The following NXPH1 variants were observed in gnomAD, a reference collection of about 807,000 sequenced individuals.
NXPH1 encodes the protein neurexophilin-1.
In NXPH1, 5 loss-of-function variants were observed where a neutral mutation model predicts 23.7. That is an observed-to-expected ratio of 0.21 (90% confidence interval 0.11 to 0.44). The LOEUF (loss-of-function observed/expected upper bound fraction) is 0.44. Ranked by LOEUF, NXPH1 falls within the 20% of genes least tolerant of loss-of-function variation. The pLI, the probability that NXPH1 is intolerant of heterozygous loss-of-function variation, is 0.99. For missense variants in NXPH1, 324 were observed against 321.6 expected (o/e 1.01, Z -0.06); for synonymous variants, 144 against 122.2 (o/e 1.18, Z -1.18).
chr7:8,653,378 G>A (rs1820521083), intron 2 of NXPH1, among the ~76,000 whole-genome samples: 1 of 152,082 alleles, frequency 6.6e-6, no homozygotes, highest in Non-Finnish European at 1.5e-5. Context: ...GTCCTGTGTG[G>A]CATTGCTCCA....
At chr7:8,534,990 C>A (rs932294166) in intron 2 of NXPH1, among the ~76,000 whole-genome samples, 1 of 151,982 alleles carries the variant, frequency 6.6e-6, no homozygotes, top group Admixed American at 6.6e-5. Context: ...AACCCAGTAC[C>A]TAATTTGCTT....
chr7:8,699,369 A>T (rs1779584204), intron 2 of NXPH1, among the ~76,000 whole-genome samples: 1 of 152,062 alleles, frequency 6.6e-6, no homozygotes, highest in Non-Finnish European at 1.5e-5. Flanking sequence ...TTCAGTTTTT[A>T]TCTCTGATTT....
chr7:8,522,150 A>G (rs1201732071), intron 2 of NXPH1, among the ~76,000 whole-genome samples: 1 of 152,234 alleles, frequency 6.6e-6, no homozygotes, highest in Non-Finnish European at 1.5e-5. Context: ...AGGGTGGAGA[A>G]TATCACAGTT....
At chr7:8,685,668 T>C (rs1045899238) in intron 2 of NXPH1, among the ~76,000 whole-genome samples, 1 of 152,130 alleles carries the variant, frequency 6.6e-6, no homozygotes, top group African/African-American at 2.4e-5. Context: ...ATTTTAGCTT[T>C]CTGAGAAACC....
intron 2 of NXPH1, among the ~76,000 whole-genome samples, chr7:8,483,046 A>C: frequency 6.6e-6 from 1 of 152,260 alleles, no homozygotes; most frequent in Admixed American, 6.5e-5. Context: ...TGACATGCAT[A>C]GAAGCTGTTA....
At chr7:8,633,250 G>C (rs769782728) in intron 2 of NXPH1, among the ~76,000 whole-genome samples, 2 of 152,152 alleles carry the variant, frequency 1.3e-5, no homozygotes, top group Admixed American at 6.6e-5. Flanking sequence ...GGCTAACATG[G>C]TGAAACACTG....
chr7:8,631,085 G>A (rs1323326990), intron 2 of NXPH1, among the ~76,000 whole-genome samples: 1 of 152,164 alleles, frequency 6.6e-6, no homozygotes, highest in African/African-American at 2.4e-5. Flanking sequence ...TGCCATGTAT[G>A]TCCCTGCAAA....
intron 2 of NXPH1, among the ~76,000 whole-genome samples, chr7:8,489,926 T>C (rs1210019679): frequency 1.3e-5 from 2 of 152,094 alleles, no homozygotes; most frequent in Non-Finnish European, 2.9e-5. Context: ...AAATTGGTTC[T>C]TGATTTAATT....
chr7:8,478,430 TA>T (rs1284049148), intron 2 of NXPH1, among the ~76,000 whole-genome samples: 1 of 151,776 alleles, frequency 6.6e-6, no homozygotes, highest in Non-Finnish European at 1.5e-5. Context: ...TAAAACCAAA[TA>T]AACAGAATGG....
chr7:8,737,236 T>C (rs1242926322), intron 2 of NXPH1, among the ~76,000 whole-genome samples: 1 of 152,218 alleles, frequency 6.6e-6, no homozygotes, highest in Non-Finnish European at 1.5e-5. Flanking sequence ...TGATGGTCTT[T>C]ACAGTATGGT....
At chr7:8,505,934 C>A (rs1031721819) in intron 2 of NXPH1, among the ~76,000 whole-genome samples, 1 of 151,982 alleles carries the variant, frequency 6.6e-6, no homozygotes, top group Non-Finnish European at 1.5e-5. Context: ...GAAATGGGCC[C>A]AGACACCTGC....
intron 2 of NXPH1, among the ~76,000 whole-genome samples, chr7:8,530,284 AT>A (rs891524562): frequency 6.6e-6 from 1 of 152,214 alleles, no homozygotes; most frequent in African/African-American, 2.4e-5. Context: ...TCAAATATTA[AT>A]TTTAGAGATC....
chr7:8,554,383 C>G (rs1818323390), intron 2 of NXPH1, among the ~76,000 whole-genome samples: 1 of 151,560 alleles, frequency 6.6e-6, no homozygotes, highest in African/African-American at 2.4e-5. Flanking sequence ...TGACTCACAT[C>G]CATCAGAATG....
intron 2 of NXPH1, among the ~76,000 whole-genome samples, chr7:8,443,250 C>T (rs1816336214): frequency 6.6e-6 from 1 of 152,248 alleles, no homozygotes. Context: ...GTGGTTGCGG[C>T]GTCACGTGAT....
intron 2 of NXPH1, among the ~76,000 whole-genome samples, chr7:8,473,037 A>T (rs1816893938): frequency 6.6e-6 from 1 of 152,104 alleles, no homozygotes; most frequent in Non-Finnish European, 1.5e-5. Context: ...GCTGCTCTCC[A>T]ATTCTAAAAA....
chr7:8,612,895 G>A (rs1819650884), intron 2 of NXPH1, among the ~76,000 whole-genome samples: 1 of 152,034 alleles, frequency 6.6e-6, no homozygotes, highest in Non-Finnish European at 1.5e-5. Flanking sequence ...CTTACCTGAA[G>A]TTAGGTCTCA....
At chr7:8,605,397 G>A (rs1170999878) in intron 2 of NXPH1, among the ~76,000 whole-genome samples, 1 of 152,112 alleles carries the variant, frequency 6.6e-6, no homozygotes, top group Admixed American at 6.6e-5. Flanking sequence ...TACTCAAAGG[G>A]ACCAGATGCA....
intron 2 of NXPH1, among the ~76,000 whole-genome samples, chr7:8,653,397 A>C (rs376786220): frequency 2.6e-5 from 4 of 152,188 alleles, no homozygotes; most frequent in East Asian, 3.9e-4. Flanking sequence ...CATATCCTTA[A>C]CCATAAAAGC....
Position 8,709,563 on chromosome 7 carries a change from C to A in NXPH1, c.55-41445C>A, listed in dbSNP as rs902260194. 3.9e-5 allele frequency among the ~76,000 whole-genome samples: 6 copies of A among 152,244 alleles called. No homozygotes were observed. The East Asian group carries it at 1.2e-3, about 29-fold the overall frequency. ...AGTTATCAGAGAAGTATTAATTATA[C>A]TCAGCACACTATACTGTACTTACTG... On this transcript the variant is annotated intron_variant, in intron 2 of 2. Transcript: ENST00000405863.
Sources: allele counts gnomAD v4.1 joint callset (sites outside exome capture counted in the v4.1 genomes callset), GRCh38; gene constraint gnomAD v4.1.1; transcripts MANE v1.5; gene names NCBI Gene and HGNC (gene_info 2026-07-23, HGNC 2026-07-21).